Variants in ADCY1 observed in about 807,000 individuals in gnomAD.
ADCY1 encodes the protein adenylate cyclase 1, also known as adenylate cyclase type 1.
Under a neutral mutation model 105.4 loss-of-function variants are expected in ADCY1, and 28 were observed. That is an observed-to-expected ratio of 0.27 (90% CI 0.20 to 0.36). The LOEUF (loss-of-function observed/expected upper bound fraction) is 0.36. Among genes scored for constraint, ADCY1 ranks in the 10% least tolerant of loss-of-function variants. The pLI is 1.00. For missense variants in ADCY1, 977 were observed against 1,434.2 expected (o/e 0.68, Z 5.15); for synonymous variants, 655 against 623.8 (o/e 1.05, Z -0.75).
Position 45,574,718 on chromosome 7 carries a change from G to A in ADCY1, c.175G>A (p.Ala59Thr), listed in dbSNP as rs1164173898. 2 of 1,410,348 alleles carry A rather than the reference G, an allele frequency of 1.4e-6. No homozygotes were observed. Among genetic ancestry groups the A allele is most frequent in the South Asian group, 1.5e-5 (1 of 65,440 alleles). The allele number at this position is 1,410,348 out of a possible 1,614,324, so 87.4% of individuals were successfully genotyped here. A position where few individuals can be genotyped will look rare whatever the true frequency, so the allele number is the denominator to read the frequency against. Reference sequence around the variant, plus strand: ...CGGCTACACGCTGCGGCTGGAGCAGGCGGCCACGCTGAAGGCGCTGGCCGT... The same window carrying A: ...CGGCTACACGCTGCGGCTGGAGCAGACGGCCACGCTGAAGGCGCTGGCCGT... ...FRGYTLRLEQ[A>T]ATLKALAVLS... Residue 59 changes from alanine (A) to threonine (T), a missense_variant, in exon 1 of 20, where the codon GCG becomes ACG. Around this residue, in one of 7 missense-constraint regions of ADCY1, gnomAD observed 209 missense variants for 222.5 expected, o/e 0.94. Coordinates refer to ENST00000297323, the MANE Select transcript of ADCY1 (RefSeq NM_021116.4). This position sits in a 1 kb window ranked among gnomAD's most constrained non-coding sequence, Gnocchi z 7.0.
intron 4 of ADCY1, among the ~76,000 whole-genome samples, chr7:45,640,753 CTTTAACT>C (rs1376055474): frequency 6.6e-6 from 1 of 152,190 alleles, no homozygotes; most frequent in Admixed American, 6.5e-5. Flanking sequence ...ACCAAACATC[CTTTAACT>C]TTTAACTATT....
intron 2 of ADCY1, among the ~76,000 whole-genome samples, chr7:45,596,561 G>T (rs891958268): frequency 6.6e-6 from 1 of 152,124 alleles, no homozygotes; most frequent in Non-Finnish European, 1.5e-5. Flanking sequence ...AGGGATTCTG[G>T]GTCAATGCAC....
chr7:45,621,635 A>G (rs541940043), intron 3 of ADCY1, among the ~76,000 whole-genome samples: 11 of 152,254 alleles, frequency 7.2e-5, no homozygotes, highest in Admixed American at 2.0e-4. Flanking sequence ...TTGGAGTCCA[A>G]TTCTGAACCC....
chr7:45,586,139 T>G (rs937279183), intron 1 of ADCY1, among the ~76,000 whole-genome samples: 6 of 152,144 alleles, frequency 3.9e-5, no homozygotes, highest in Non-Finnish European at 8.8e-5. Flanking sequence ...TGCTTTTTCC[T>G]TTCTCCCTCC....
chr7:45,692,055 CA>C (rs1209285108), intron 14 of ADCY1, among the ~76,000 whole-genome samples: 1 of 152,236 alleles, frequency 6.6e-6, no homozygotes, highest in Non-Finnish European at 1.5e-5. Flanking sequence ...TACATCCTCA[CA>C]AACAGCTTTT....
intron 1 of ADCY1, among the ~76,000 whole-genome samples, chr7:45,581,880 T>C (rs6958039): frequency 0.45 from 68,918 of 151,540 alleles, 16,068 homozygotes; most frequent in East Asian, 0.69. Flanking sequence ...CACACAAAAA[T>C]CCTCCCAGAT....
chr7:45,597,114 C>G (rs781414801), intron 2 of ADCY1, among the ~76,000 whole-genome samples: 7 of 152,158 alleles, frequency 4.6e-5, no homozygotes, highest in Non-Finnish European at 1.0e-4. Flanking sequence ...CACTGAATGC[C>G]TGGGTTTGCA....
In ADCY1 at chr7:45,704,533, T is replaced by C; in HGVS notation, c.2734T>C (p.Phe912Leu). The C allele has an allele frequency of 6.2e-7, 1 of 1,614,156 alleles. No homozygotes were observed. Among genetic ancestry groups the C allele is most frequent in the Non-Finnish European group, 8.5e-7 (1 of 1,179,980 alleles). The change falls in exon 17 of 20, where the codon TTT becomes CTT. Residue 912 changes from phenylalanine (F) to leucine (L), a missense_variant. Physicochemically the swap from Phe to Leu is conservative, Grantham distance 22. Transcript: ENST00000297323. The stretch of plus-strand genomic sequence containing the variant: ...TTAAACAAAGCTCATGGAAAAAGAC[T>C]TTTACAAGGACATAGAGAAGATCAA... ...ADFDELMEKD[F>L]YKDIEKIKTI...
At chr7:45,635,155 A>G (rs201247525) in intron 4 of ADCY1, among the ~76,000 whole-genome samples, 18 of 146,894 alleles carry the variant, frequency 1.2e-4, no homozygotes, top group African/African-American at 4.5e-4. Flanking sequence ...TTTTTTCCTT[A>G]AATAAGCTTG....
intron 4 of ADCY1, among the ~76,000 whole-genome samples, chr7:45,633,650 A>G (rs1794320800): frequency 6.6e-6 from 1 of 152,074 alleles, no homozygotes; most frequent in Admixed American, 6.5e-5. Context: ...AAAAGTACAA[A>G]AATTAGCTGG....
Position 45,678,072 on chromosome 7 carries a change from C to G in ADCY1, c.1800+9C>G. ...TCGAACGGGAGCAAAAGGTAAGCAA[C>G]TCTGGTTTTCGGCTTCCCTGGTGCT... On this transcript the variant is annotated intron_variant, in intron 9 of 19. Coordinates refer to ENST00000297323, the MANE Select transcript of ADCY1 (RefSeq NM_021116.4). The G allele has an allele frequency of 6.2e-7, 1 of 1,613,922 alleles. No individual in the cohort carries two copies. The highest frequency in any genetic ancestry group is 1.7e-4 in the Middle Eastern group (1 of 6,060).
At chr7:45,676,701 C>T (rs1333723630) in intron 8 of ADCY1, among the ~76,000 whole-genome samples, 2 of 152,210 alleles carry the variant, frequency 1.3e-5, no homozygotes, top group South Asian at 4.2e-4. Context: ...TGGAGATGAG[C>T]ATCTCCACTC....
At chr7:45,668,256 G>C (rs1044771370) in intron 8 of ADCY1, among the ~76,000 whole-genome samples, 1 of 152,172 alleles carries the variant, frequency 6.6e-6, no homozygotes, top group Admixed American at 6.5e-5. Context: ...TATGATATTG[G>C]CTGTGGGTTT....
At chr7:45,613,333 C>G (rs1259553333) in intron 3 of ADCY1, among the ~76,000 whole-genome samples, 2 of 151,970 alleles carry the variant, frequency 1.3e-5, no homozygotes, top group African/African-American at 4.8e-5. Flanking sequence ...CTAGATCAAG[C>G]AGAATAAAAG....
intron 4 of ADCY1, among the ~76,000 whole-genome samples, chr7:45,644,724 A>T (rs1190869180): frequency 1.3e-5 from 2 of 152,154 alleles, no homozygotes; most frequent in African/African-American, 4.8e-5. Context: ...GCTTTATTGC[A>T]GTGGACTCTA....
rs139448780 is a variant in ADCY1 at position 45,672,819 on chromosome 7, ACTGG to A, written c.1606-5045_1606-5042del. On this transcript the variant is annotated intron_variant, in intron 8 of 19. Transcript: ENST00000297323. ...TTACTTCCTTTTCTTGCCTTATTGC[ACTGG>A]CTGGGGTTTTTAGCACTATGCTGCA... is the stretch of plus-strand genomic sequence containing the variant. Among the ~76,000 whole-genome samples the A allele has an allele frequency of 3.6e-3, 552 of 151,958 alleles. 4 individuals carry two copies. Among genetic ancestry groups the A allele is most frequent in the Middle Eastern group, 6.8e-3 (2 of 294 alleles).
At chr7:45,698,215 C>A (rs1784924943) in intron 14 of ADCY1, among the ~76,000 whole-genome samples, 1 of 152,010 alleles carries the variant, frequency 6.6e-6, no homozygotes, top group Non-Finnish European at 1.5e-5. Context: ...CTTCCTAGGG[C>A]AGTGTGGAAC....
At chr7:45,598,086 G>C (rs575963940) in intron 2 of ADCY1, among the ~76,000 whole-genome samples, 1 of 152,220 alleles carries the variant, frequency 6.6e-6, no homozygotes, top group Non-Finnish European at 1.5e-5. Flanking sequence ...TGAGTTGTCA[G>C]ATCTCTTTAA....
At chr7:45,711,764 T>C (rs117718320) in intron 19 of ADCY1, among the ~76,000 whole-genome samples, 7,087 of 141,256 alleles carry the variant, frequency 0.05, 250 homozygotes, top group Non-Finnish European at 0.072. Flanking sequence ...TATACATATA[T>C]GTGTATATAT....
Sources: allele counts gnomAD v4.1 joint callset (sites outside exome capture counted in the v4.1 genomes callset), GRCh38; gene constraint gnomAD v4.1.1; regional missense constraint gnomAD v4.1.1; non-coding constraint Gnocchi (gnomAD v3.1); transcripts MANE v1.5; gene names NCBI Gene and HGNC (gene_info 2026-07-23, HGNC 2026-07-21).